Variants in CHST15 observed in about 807,000 individuals in gnomAD.
The protein encoded by CHST15 is carbohydrate sulfotransferase 15, also known as B cell RAG associated protein (GALNAC4S-6ST).
CHST15 carries 30 observed loss-of-function variants against 53.6 expected under a neutral mutation model. That is an observed-to-expected ratio of 0.56 (90% CI 0.42 to 0.76). The LOEUF (loss-of-function observed/expected upper bound fraction) is 0.76. Ranked by LOEUF, CHST15 falls within the 30% of genes least tolerant of loss-of-function variation. CHST15 has a pLI of 0.00. For missense variants in CHST15, 627 were observed against 740.5 expected (o/e 0.85, Z 1.78); for synonymous variants, 296 against 289.8 (o/e 1.02, Z -0.22).
chr10:124,012,956 G>A (rs1393165362), intron 6 of CHST15, among the ~76,000 whole-genome samples: 1 of 152,230 alleles, frequency 6.6e-6, no homozygotes, highest in African/African-American at 2.4e-5. Flanking sequence ...GACTGTGAGG[G>A]TGTGTGTAAT....
At chr10:124,084,618 G>A (rs1215622238) in intron 1 of CHST15, among the ~76,000 whole-genome samples, 1 of 152,016 alleles carries the variant, frequency 6.6e-6, no homozygotes, top group Non-Finnish European at 1.5e-5. Context: ...AAGCTAAACA[G>A]CCCCCAGGAA....
Position 124,020,841 on chromosome 10 carries a change from CAAAG to C in CHST15, c.1347+411_1347+414del, listed in dbSNP as rs1295799207. On this transcript the variant is annotated intron_variant, in intron 6 of 7. Transcript: ENST00000435907. The stretch of plus-strand genomic sequence containing the variant: ...AAATGTTTTTCAATTGAGACTCTGT[CAAAG>C]AAGCATTGAAAATCATTGATGGGTA... The C allele has an allele frequency of 4.0e-6, 5 of 1,237,510 alleles. No individual in the cohort carries two copies. In the African/African-American group the frequency reaches 7.7e-5, roughly 19 times the overall value. The allele number at this position is 1,237,510 out of a possible 1,614,324, so 76.7% of individuals were successfully genotyped here.
intron 6 of CHST15, chr10:124,020,900 C>A: frequency 7.5e-7 from 1 of 1,329,966 alleles, no homozygotes; most frequent in South Asian, 2.3e-5. Flanking sequence ...CAATCCACCG[C>A]TCAAGAGAAT....
At chr10:124,092,054 G>A (rs1025104307) in intron 1 of CHST15, among the ~76,000 whole-genome samples, 4 of 152,172 alleles carry the variant, frequency 2.6e-5, no homozygotes, top group African/African-American at 9.7e-5. Context: ...TGGAGGAGTC[G>A]GGAAGGTGCT....
intron 1 of CHST15, among the ~76,000 whole-genome samples, chr10:124,054,251 A>C (rs1948301069): frequency 6.6e-6 from 1 of 152,206 alleles, no homozygotes; most frequent in Non-Finnish European, 1.5e-5. Flanking sequence ...GCTTTGTCTA[A>C]AACAGGTATT....
At chr10:124,017,657 T>C (rs1165101201) in intron 6 of CHST15, among the ~76,000 whole-genome samples, 1 of 151,960 alleles carries the variant, frequency 6.6e-6, no homozygotes, top group African/African-American at 2.4e-5. Flanking sequence ...GTTGGGGAAA[T>C]GTTGAAGCCA....
intron 1 of CHST15, among the ~76,000 whole-genome samples, chr10:124,053,149 T>C (rs1948259500): frequency 6.6e-6 from 1 of 152,238 alleles, no homozygotes; most frequent in Non-Finnish European, 1.5e-5. Context: ...TTACCATAGA[T>C]TGCATTATTG....
In CHST15 at chr10:124,044,797, C is replaced by G. The variant is rs532810140; in HGVS notation, c.669G>C (p.Lys223Asn). 6 of 1,607,128 alleles carry G rather than the reference C, an allele frequency of 3.7e-6. No homozygotes were observed. Among genetic ancestry groups the G allele is most frequent in the Admixed American group, 3.4e-5 (2 of 59,222 alleles). Residue 223 changes from lysine (K) to asparagine (N), a missense_variant, in exon 3 of 8, where the codon AAG (lysine) becomes AAC (asparagine). By Grantham distance (94) the Lys-to-Asn change is moderately conservative. Transcript: ENST00000435907. The stretch of plus-strand genomic sequence containing the variant: ...GGGCGTCGAAGGTGGAGCGGAAGCG[C>G]TTGGAGTAGAGCACGTAGGAGTTGG... The part of the protein sequence containing the change: ...YLTNSYVLYS[K>N]RFRSTFDALR...
In CHST15 at chr10:124,008,286, G is replaced by A; in HGVS notation, c.*1863C>T. 8.7e-7 allele frequency: 1 copy of A among 1,147,624 alleles called. No individual in the cohort carries two copies. Among genetic ancestry groups the A allele is most frequent in the Non-Finnish European group, 1.1e-6 (1 of 935,824 alleles). 71.1% of individuals were successfully genotyped at this position (1,147,624 alleles called of 1,614,324 possible). On this transcript the variant is annotated 3_prime_UTR_variant, in exon 8 of 8. Coordinates refer to ENST00000435907, the MANE Select transcript of CHST15 (RefSeq NM_001270764.2). ...AAAGGGTTGTGTCCAGAGCGGAGGA[G>A]CCTCATTAGCAACTGAACAGAACCC...
chr10:124,067,988 G>A (rs1247962353), intron 1 of CHST15, among the ~76,000 whole-genome samples: 1 of 152,120 alleles, frequency 6.6e-6, no homozygotes. Context: ...TGTGTCTGCG[G>A]GTGCAAAGTG....
At position 124,074,138 on chromosome 10, in the gene CHST15, C is replaced by T. The variant is rs1949006245; in HGVS notation, c.-513+19331G>A. 6.6e-6 allele frequency among the ~76,000 whole-genome samples: 1 copy of T among 152,252 alleles called. No homozygotes were observed. The highest frequency in any genetic ancestry group is 1.5e-5 in the Non-Finnish European group (1 of 68,046). ...GTGTGATTAGCGCAAGCTCAAGTCA[C>T]GCCTGCTGCACCCCCAGGGAAGGTA... On this transcript the variant is annotated intron_variant, in intron 1 of 7. Transcript: ENST00000435907. This position sits in a 1 kb window ranked among gnomAD's most constrained non-coding sequence, Gnocchi z 4.4.
At chr10:124,040,550 T>C (rs1046785296) in intron 4 of CHST15, among the ~76,000 whole-genome samples, 2 of 152,310 alleles carry the variant, frequency 1.3e-5, no homozygotes, top group Non-Finnish European at 2.9e-5. Flanking sequence ...CTCTCTGACC[T>C]AGGGGCCCAA....
intron 5 of CHST15, among the ~76,000 whole-genome samples, chr10:124,032,480 C>T (rs1314029239): frequency 6.6e-6 from 1 of 152,174 alleles, no homozygotes; most frequent in Admixed American, 6.5e-5. Context: ...GCATTTTTCA[C>T]ATTTAACGGG....
chr10:124,078,156 C>G (rs1412999040), intron 1 of CHST15, among the ~76,000 whole-genome samples: 1 of 152,176 alleles, frequency 6.6e-6, no homozygotes, highest in East Asian at 1.9e-4. Context: ...GGTAAAGAAA[C>G]AGAGACTCAG....
rs1245524418 is a variant in CHST15 at position 124,045,985 on chromosome 10, C to A, written c.228G>T (p.Lys76Asn). Residue 76 changes from lysine (K) to asparagine (N), a missense_variant, in exon 2 of 8, where the codon AAG becomes AAT. This residue lies in a region of CHST15 where 187 missense variants were observed against 251.8 expected (regional missense o/e 0.74). Transcript: ENST00000435907. ...CAAAAACGAGGCTACATCGCTTCCC[C>A]TTTTTGAAGCGCAAAAACCCACCCC... ...ENWGGFLRFKKGKRCSLVFGL... is the reference protein window; with the variant it reads ...ENWGGFLRFKNGKRCSLVFGL... 6.2e-7 allele frequency: 1 copy of A among 1,614,016 alleles called. No homozygotes were observed. The highest frequency in any genetic ancestry group is 8.5e-7 in the Non-Finnish European group (1 of 1,180,030).
chr10:124,088,408 G>GCAGGT (rs1167280605), intron 1 of CHST15, among the ~76,000 whole-genome samples: 1 of 152,236 alleles, frequency 6.6e-6, no homozygotes, highest in Non-Finnish European at 1.5e-5. Flanking sequence ...CAGAAACGCT[G>GCAGGT]CAGGTCCTGC....
rs758243657 is a variant in CHST15 at position 124,045,112 on chromosome 10, C to CA, written c.547-194dup. Among the ~76,000 whole-genome samples, 260 of 33,776 alleles carry CA rather than the reference C, an allele frequency of 7.7e-3. 14 individuals carry two copies. Among genetic ancestry groups the CA allele is most frequent in the Middle Eastern group, 0.026 (1 of 38 alleles). 22.2% of individuals were successfully genotyped at this position (33,776 alleles called of 152,430 possible). A position where few individuals can be genotyped will look rare whatever the true frequency, so the allele number is the denominator to read the frequency against. On this transcript the variant is annotated intron_variant, in intron 2 of 7. Transcript: ENST00000435907. ...TGCTTTCCTCTCCCCCGCCGCCCCACAAAAAAAAAAAAAAAAAAAAAAAAA... is the reference window on the plus strand; with the variant it reads ...TGCTTTCCTCTCCCCCGCCGCCCCACAAAAAAAAAAAAAAAAAAAAAAAAAA...
chr10:124,056,600 C>T (rs566920962), intron 1 of CHST15, among the ~76,000 whole-genome samples: 7 of 152,256 alleles, frequency 4.6e-5, no homozygotes, highest in East Asian at 1.9e-4. Context: ...GAAGGAGAGG[C>T]GGGGCTGTCC....
rs1947989901 is a variant in CHST15, at chr10:124,046,023, C to T, written c.190G>A (p.Gly64Arg). Residue 64 changes from glycine (G) to arginine (R), a missense_variant, in exon 2 of 8, where the codon GGG becomes AGG. Gly to Arg is a moderately radical substitution (Grantham distance 125). Coordinates refer to ENST00000435907, the MANE Select transcript of CHST15 (RefSeq NM_001270764.2). ...AAAAACCCACCCCAGTTTTCGTTCC[C>T]TTCAGTCCTCACTTCGAGAACAGCA... is the stretch of plus-strand genomic sequence containing the variant. The part of the protein sequence containing the change: ...LLAVLEVRTE[G>R]NENWGGFLRF... 2 of 1,614,218 alleles carry T rather than the reference C, an allele frequency of 1.2e-6. No homozygotes were observed. Among genetic ancestry groups the T allele is most frequent in the African/African-American group, 2.7e-5 (2 of 75,050 alleles).
Sources: gnomAD v4.1 joint callset for allele counts (sites outside exome capture counted in the v4.1 genomes callset) on GRCh38, gnomAD v4.1.1 for gene constraint, gnomAD v4.1.1 regional missense constraint, Gnocchi (gnomAD v3.1) non-coding constraint, MANE v1.5 for transcripts, NCBI Gene and HGNC (gene_info 2026-07-23, HGNC 2026-07-21) for gene names.